Variants in MCTP2 observed in about 807,000 individuals in gnomAD.
MCTP2 encodes the protein multiple C2 and transmembrane domain containing 2.
A neutral mutation model predicts 111.6 loss-of-function variants in MCTP2; 132 were observed. The observed-to-expected ratio is 1.18, with a 90% CI of 1.03 to 1.37. MCTP2 has a LOEUF of 1.37. Ranked by LOEUF, MCTP2 falls within the 40% of genes most tolerant of loss-of-function variation. The pLI is 0.00. For missense variants in MCTP2, 1,183 were observed against 1,067.9 expected (o/e 1.11, Z -1.50); for synonymous variants, 395 against 387.7 (o/e 1.02, Z -0.22).
intron 1 of MCTP2, among the ~76,000 whole-genome samples, chr15:94,249,727 C>A (rs1422525010): frequency 6.6e-6 from 1 of 152,014 alleles, no homozygotes; most frequent in Non-Finnish European, 1.5e-5. Context: ...CCTCGTGATC[C>A]ACCCACCTCA....
chr15:94,281,400 A>G (rs2074480011), intron 1 of MCTP2, among the ~76,000 whole-genome samples: 1 of 152,000 alleles, frequency 6.6e-6, no homozygotes, highest in Non-Finnish European at 1.5e-5. Flanking sequence ...TTTGTTTTCT[A>G]TTTGCTTAAT....
At chr15:94,476,553 G>C (rs905203143) in intron 21 of MCTP2, 143 bp from the exon 22 acceptor site, 2 of 532,022 alleles carry the variant, frequency 3.8e-6, no homozygotes, top group Admixed American at 7.0e-5. Flanking sequence ...CCTCTCCCCC[G>C]AGTCAGGCGA....
chr15:94,416,504 T>A (rs1474495649), intron 17 of MCTP2, among the ~76,000 whole-genome samples: 1 of 152,086 alleles, frequency 6.6e-6, no homozygotes, highest in Non-Finnish European at 1.5e-5. Flanking sequence ...CCTCGCACTT[T>A]CTCTGATTGC....
chr15:94,369,795 C>T (rs2079390361), intron 11 of MCTP2, among the ~76,000 whole-genome samples: 1 of 152,168 alleles, frequency 6.6e-6, no homozygotes, highest in Non-Finnish European at 1.5e-5. Flanking sequence ...CACACGTTTT[C>T]CTGGTGGGAT....
intron 1 of MCTP2, among the ~76,000 whole-genome samples, chr15:94,254,728 C>T (rs1251081056): frequency 6.6e-6 from 1 of 152,160 alleles, no homozygotes; most frequent in Non-Finnish European, 1.5e-5. Flanking sequence ...TGGAGACATA[C>T]TTGCTGTGAA....
chr15:94,446,023 G>C (rs548489447), intron 19 of MCTP2, among the ~76,000 whole-genome samples: 3 of 152,270 alleles, frequency 2.0e-5, no homozygotes, highest in African/African-American at 7.2e-5. Flanking sequence ...CAGGACACTG[G>C]GGTCTGTCAT....
At chr15:94,303,604 T>A (rs2075747319) in intron 2 of MCTP2, among the ~76,000 whole-genome samples, 1 of 152,170 alleles carries the variant, frequency 6.6e-6, no homozygotes, top group African/African-American at 2.4e-5. Context: ...ATGAGACCCA[T>A]TCACTGTCAC....
At chr15:94,429,266 G>C (rs561181233) in intron 17 of MCTP2, among the ~76,000 whole-genome samples, 5 of 152,108 alleles carry the variant, frequency 3.3e-5, no homozygotes, top group Admixed American at 6.5e-5. Flanking sequence ...TGCTCCAACT[G>C]TTATTTCCCA....
In MCTP2 at chr15:94,333,910, C is replaced by T. The variant is rs115203699; in HGVS notation, c.638-5380C>T. ...GTTCCCAAATCACACAGAATCCCTG[C>T]GAGAAGTAAGTAAGATAAGGAATTT... On this transcript the variant is annotated intron_variant, in intron 4 of 22. Transcript: ENST00000357742. 2.5e-3 allele frequency among the ~76,000 whole-genome samples: 375 copies of T among 151,994 alleles called. 2 individuals carry two copies. Among genetic ancestry groups the T allele is most frequent in the African/African-American group, 8.3e-3 (345 of 41,442 alleles).
chr15:94,300,635 C>T (rs1321993854), intron 2 of MCTP2, among the ~76,000 whole-genome samples: 1 of 152,090 alleles, frequency 6.6e-6, no homozygotes, highest in Non-Finnish European at 1.5e-5. Context: ...TGCCTCTGCC[C>T]TCCAACTGTG....
chr15:94,433,735 G>GT (rs1449044524), intron 17 of MCTP2, among the ~76,000 whole-genome samples: 2 of 152,198 alleles, frequency 1.3e-5, no homozygotes, highest in Non-Finnish European at 2.9e-5. Context: ...GAGAGCTGCA[G>GT]TTGCTCCACA....
At chr15:94,310,159 A>G (rs557344267) in intron 2 of MCTP2, among the ~76,000 whole-genome samples, 7 of 152,388 alleles carry the variant, frequency 4.6e-5, no homozygotes, top group African/African-American at 1.2e-4. Context: ...GACGCAGATG[A>G]CAACCTTTAC....
At chr15:94,295,043 C>T (rs1273722408) in intron 1 of MCTP2, among the ~76,000 whole-genome samples, 12 of 141,984 alleles carry the variant, frequency 8.5e-5, no homozygotes, top group Non-Finnish European at 1.5e-4. Context: ...TCCGCCTCCT[C>T]GGTTCAAGCA....
chr15:94,379,796 T>C (rs2080014516), intron 12 of MCTP2, among the ~76,000 whole-genome samples: 1 of 143,154 alleles, frequency 7.0e-6, no homozygotes, highest in Non-Finnish European at 1.5e-5. Context: ...ATATATGATA[T>C]GTAATATATA....
At chr15:94,403,934 T>C (rs1529779) in intron 17 of MCTP2, among the ~76,000 whole-genome samples, 16,130 of 152,202 alleles carry the variant, frequency 0.11, 939 homozygotes, top group South Asian at 0.19. Context: ...TTGGACACCA[T>C]TGAAAAAAAT....
At chr15:94,395,368 T>C (rs2081228400) in intron 14 of MCTP2, among the ~76,000 whole-genome samples, 1 of 152,226 alleles carries the variant, frequency 6.6e-6, no homozygotes, top group Admixed American at 6.5e-5. Context: ...TATGACCCTT[T>C]AGTTTGGATT....
Position 94,340,825 on chromosome 15 carries a change from T to C in MCTP2, c.870T>C (p.His290=), listed in dbSNP as rs1178458236. The C allele has an allele frequency of 6.2e-7, 1 of 1,609,260 alleles. No individual in the cohort carries two copies. Among genetic ancestry groups the C allele is most frequent in the African/African-American group, 1.3e-5 (1 of 74,760 alleles). Residue 290 remains histidine, a synonymous_variant, in exon 7 of 23, where the codon CAT becomes CAC. Coordinates refer to ENST00000357742, the MANE Select transcript of MCTP2 (RefSeq NM_001385001.1). The stretch of plus-strand genomic sequence containing the variant: ...TTTTTGCTTGTAGAACAACTGAACA[T>C]ATTTTAAAACTGGAAGATCCAAACA... ...SDLELNRTTE[H]ILKLEDPNSL...
chr15:94,388,598 A>T (rs1272158560), intron 14 of MCTP2, among the ~76,000 whole-genome samples: 1 of 152,170 alleles, frequency 6.6e-6, no homozygotes, highest in African/African-American at 2.4e-5. Context: ...GATTTAGAGG[A>T]TGTGTTTTAA....
At chr15:94,340,088 G>A in intron 5 of MCTP2, 111 bp from the exon 6 acceptor site, 1 of 738,414 alleles carries the variant, frequency 1.4e-6, no homozygotes, top group Admixed American at 2.3e-5. Flanking sequence ...AGTATTTCAA[G>A]ATCTGAAAGA....
Sources: allele counts gnomAD v4.1 joint callset (sites outside exome capture counted in the v4.1 genomes callset), GRCh38; gene constraint gnomAD v4.1.1; transcripts MANE v1.5; gene names NCBI Gene and HGNC (gene_info 2026-07-23, HGNC 2026-07-21).